GBF1: variants seen among roughly 807,000 people sequenced by gnomAD.
GBF1 encodes Golgi-specific brefeldin A-resistance guanine nucleotide exchange factor 1.
Under a neutral mutation model 210.5 loss-of-function variants are expected in GBF1, and 114 were observed. That is an observed-to-expected ratio of 0.54 (90% CI 0.47 to 0.63). GBF1 has a LOEUF of 0.63. GBF1 is among the 30% of genes least tolerant of loss of function. GBF1 has a pLI of 0.00. For synonymous variants in GBF1, 850 were observed against 889.2 expected (o/e 0.96, Z 0.78); for missense variants, 1,851 against 2,357.7 (o/e 0.79, Z 4.45).
intron 39 of GBF1, among the ~76,000 whole-genome samples, chr10:102,381,824 A>G (rs1035748634): frequency 5.7e-5 from 4 of 70,170 alleles, no homozygotes; most frequent in South Asian, 6.8e-4. Flanking sequence ...CCCTGTCGCG[A>G]AAAAAAAAAA....
At chr10:102,231,482 C>T in the GBF1 span, 1 of 711,528 alleles carries the variant, frequency 1.4e-6, no homozygotes, top group Non-Finnish European at 2.3e-6. Flanking sequence ...GTCCGGGGTC[C>T]GGGGTCCGAG....
At chr10:102,230,995 G>A in the GBF1 span, 1 of 1,602,512 alleles carries the variant, frequency 6.2e-7, no homozygotes, top group Admixed American at 1.7e-5. Flanking sequence ...CTCCTCGTAG[G>A]GCGGCACCAG....
intron 3 of GBF1, among the ~76,000 whole-genome samples, chr10:102,296,572 A>G (rs2076923285): frequency 6.6e-6 from 1 of 152,052 alleles, no homozygotes; most frequent in African/African-American, 2.4e-5. Flanking sequence ...GTGAAACCCC[A>G]TCTCTACTAA....
At chr10:102,341,805 T>G (rs2058198674) in intron 3 of GBF1, among the ~76,000 whole-genome samples, 1 of 152,126 alleles carries the variant, frequency 6.6e-6, no homozygotes, top group South Asian at 2.1e-4. Context: ...ACCCCATATA[T>G]AAAACTGCCC....
rs374098061 is a variant in GBF1, at chr10:102,360,315, G to A, written c.1312G>A (p.Ala438Thr). The A allele has an allele frequency of 3.1e-6, 5 of 1,613,856 alleles. No individual in the cohort carries two copies. Among genetic ancestry groups the A allele is most frequent in the Non-Finnish European group, 4.2e-6 (5 of 1,179,772 alleles). The change falls in exon 12 of 40, where the codon GCC becomes ACC. Residue 438 changes from alanine to threonine, a missense_variant. Ala to Thr is a moderately conservative substitution (Grantham distance 58, BLOSUM62 0). Coordinates refer to ENST00000369983, the MANE Select transcript of GBF1 (RefSeq NM_001377137.1). ...CATGGGACTGCATTTGCTGACAGTG[G>A]CCCTTGAGTCAGCCCCTGTAGCCCA... ...IHMGLHLLTV[A>T]LESAPVAQCQ...
intron 4 of GBF1, among the ~76,000 whole-genome samples, chr10:102,348,283 C>T (rs1297265720): frequency 6.6e-6 from 1 of 152,194 alleles, no homozygotes; most frequent in Non-Finnish European, 1.5e-5. Context: ...CATTCAACCT[C>T]AGGGGACAAG....
intron 3 of GBF1, among the ~76,000 whole-genome samples, chr10:102,263,757 G>A (rs1211396527): frequency 6.6e-6 from 1 of 152,106 alleles, no homozygotes; most frequent in Non-Finnish European, 1.5e-5. Context: ...ATGACTACAA[G>A]GTCTATAGCA....
At position 102,287,344 on chromosome 10, in the gene GBF1, C is replaced by CTTTTTTTTTTTTTTTTTTTTTTTTT. The variant is rs763880492; in HGVS notation, c.163+27231_163+27255dup. 5.8e-5 allele frequency among the ~76,000 whole-genome samples: 4 copies of CTTTTTTTTTTTTTTTTTTTTTTTTT among 69,524 alleles called. 1 individual carries two copies. The highest frequency in any genetic ancestry group is 2.0e-4 in the African/African-American group (3 of 14,752). 45.6% of individuals were successfully genotyped at this position (69,524 alleles called of 152,430 possible). ...CACACAGTTTCTTTTATTTTATTTT[C>CTTTTTTTTTTTTTTTTTTTTTTTTT]TTTTTTTTTTTTTTTTTTTTTTTTT... is the stretch of plus-strand genomic sequence containing the variant. On this transcript the variant is annotated intron_variant, in intron 3 of 39. Transcript: ENST00000369983.
rs879575033 is a variant in GBF1 at position 102,260,473 on chromosome 10, C to CTTTTTTTTTTTTT, written c.163+359_163+360insTTTTTTTTTTTTT. Among the ~76,000 whole-genome samples, 225 of 74,722 alleles carry CTTTTTTTTTTTTT rather than the reference C, an allele frequency of 3.0e-3. 33 individuals are homozygous for CTTTTTTTTTTTTT. The highest frequency in any genetic ancestry group is 6.0e-3 in the African/African-American group (86 of 14,346). The allele number at this position is 74,722 out of a possible 152,430, so 49.0% of individuals were successfully genotyped here. A position where few individuals can be genotyped will look rare whatever the true frequency, so the allele number is the denominator to read the frequency against. ...CTGTGCCTGGCCTATATTTTCCTTTCTTCTTTTTTTTTTTTTTTTTTTTTT... is the reference window on the plus strand; with the variant it reads ...CTGTGCCTGGCCTATATTTTCCTTTCTTTTTTTTTTTTTTTCTTTTTTTTTTTTTTTTTTTTTT... On this transcript the variant is annotated intron_variant, in intron 3 of 39. Coordinates refer to ENST00000369983, the MANE Select transcript of GBF1 (RefSeq NM_001377137.1).
Position 102,249,932 on chromosome 10 carries a change from C to T in GBF1, c.-11+4151C>T, listed in dbSNP as rs138832046. 1.6e-3 allele frequency among the ~76,000 whole-genome samples: 249 copies of T among 152,210 alleles called. 4 individuals are homozygous for T. In the East Asian group the frequency reaches 0.04, roughly 25 times the overall value. ...GTCTTGAACTCTTGACTTCGTGATC[C>T]GCCCACCTCGGCCTCCCAAAGTGCT... On this transcript the variant is annotated intron_variant, in intron 1 of 39. Coordinates refer to ENST00000369983, the MANE Select transcript of GBF1 (RefSeq NM_001377137.1).
intron 24 of GBF1, 107 bp from the exon 25 acceptor site, chr10:102,369,604 A>G (rs1037084314): frequency 9.4e-7 from 1 of 1,064,702 alleles, no homozygotes; most frequent in South Asian, 1.3e-5. Context: ...GCACAATAGC[A>G]TAGGGGCAGA....
Position 102,379,671 on chromosome 10 carries a change from T to C in GBF1, c.4776+20T>C, listed in dbSNP as rs2060720221. ...AACAAGGTGGGACTTCCTACTGGTC[T>C]TAAGATAAAGTTCAAATCCTAAGAA... On this transcript the variant is annotated intron_variant, in intron 35 of 39. Coordinates refer to ENST00000369983, the MANE Select transcript of GBF1 (RefSeq NM_001377137.1). 2 of 1,613,624 alleles carry C rather than the reference T, an allele frequency of 1.2e-6. No homozygotes were observed. The highest frequency in any genetic ancestry group is 4.5e-5 in the East Asian group (2 of 44,880).
intron 22 of GBF1, 31 bp downstream of exon 22, chr10:102,368,485 C>T: frequency 1.7e-6 from 2 of 1,168,910 alleles, no homozygotes; most frequent in South Asian, 1.2e-5. Context: ...GTCTTCACCT[C>T]CCACTAGCTC....
chr10:102,376,932 C>G lies in GBF1; in HGVS notation c.4289-3C>G. On this transcript the variant is annotated splice_region_variant and splice_polypyrimidine_tract_variant and intron_variant, in intron 32 of 39. Transcript: ENST00000369983. ...AATGTGACCTGAGTCTGGCTCTGCT[C>G]AGGATGCAAGTCCCAGGAGAAACGT... 6.2e-7 allele frequency: 1 copy of G among 1,613,858 alleles called. No individual in the cohort carries two copies. Among genetic ancestry groups the G allele is most frequent in the Non-Finnish European group, 8.5e-7 (1 of 1,179,822 alleles).
intron 3 of GBF1, among the ~76,000 whole-genome samples, chr10:102,317,902 TTTTA>T (rs569824566): frequency 8.9e-5 from 6 of 67,154 alleles, no homozygotes; most frequent in African/African-American, 2.4e-4. Context: ...ATTTATTTAT[TTTTA>T]TTTATTTATT....
intron 3 of GBF1, among the ~76,000 whole-genome samples, chr10:102,280,368 A>G (rs558338788): frequency 6.6e-6 from 1 of 152,288 alleles, no homozygotes; most frequent in Admixed American, 6.5e-5. Context: ...AGATAGGATG[A>G]GATGGGGTGA....
rs7902882 is a variant in GBF1 at position 102,369,197 on chromosome 10, T to G, written c.2974-14T>G. ...TTAGCTCGGCCTTAAGTCTGTTCTCTTCCTCTTTTCCAGTCTATTGAGAAC... is the reference window on the plus strand; with the variant it reads ...TTAGCTCGGCCTTAAGTCTGTTCTCGTCCTCTTTTCCAGTCTATTGAGAAC... On this transcript the variant is annotated splice_polypyrimidine_tract_variant and intron_variant, in intron 23 of 39. Coordinates refer to ENST00000369983, the MANE Select transcript of GBF1 (RefSeq NM_001377137.1). The G allele has an allele frequency of 1.3e-6, 2 of 1,599,014 alleles. No homozygotes were observed. Among genetic ancestry groups the G allele is most frequent in the African/African-American group, 1.3e-5 (1 of 74,732 alleles).
chr10:102,293,762 A>ATTTTTTTTTTTTTTTTT (rs1565071251), intron 3 of GBF1, among the ~76,000 whole-genome samples: 2 of 44,572 alleles, frequency 4.5e-5, no homozygotes, highest in African/African-American at 1.7e-4. Flanking sequence ...CAGCTGTAGT[A>ATTTTTTTTTTTTTTTTT]TGTTTTGTGT....
rs2060820566 is a variant in GBF1 at position 102,381,137 on chromosome 10, C to T, written c.5184C>T (p.Pro1728=). 6.2e-7 allele frequency: 1 copy of T among 1,613,962 alleles called. No individual in the cohort carries two copies. The highest frequency in any genetic ancestry group is 8.5e-7 in the Non-Finnish European group (1 of 1,179,934). The change falls in exon 39 of 40, where the codon CCC becomes CCT. Residue 1728 remains proline (P), a synonymous_variant. Coordinates refer to ENST00000369983, the MANE Select transcript of GBF1 (RefSeq NM_001377137.1). ...FKQTVIQDPM[P]MEPQGQKPLA... is the part of the protein sequence containing the mutation. ...CTCTACCGTCTCCAGACCCCATGCC[C>T]ATGGAGCCTCAAGGCCAAAAGCCTC...
Sources: gnomAD v4.1 joint callset for allele counts (sites outside exome capture counted in the v4.1 genomes callset) on GRCh38, gnomAD v4.1.1 for gene constraint, MANE v1.5 for transcripts, NCBI Gene and HGNC (gene_info 2026-07-23, HGNC 2026-07-21) for gene names.